Variants in PCDHA2 observed in about 807,000 individuals in gnomAD.
PCDHA2 encodes protocadherin alpha 2.
PCDHA2 carries 58 observed loss-of-function variants against 66.0 expected under a neutral mutation model. The ratio of observed to expected loss-of-function variants is 0.88; its 90% CI spans 0.71 to 1.09. The LOEUF (loss-of-function observed/expected upper bound fraction) is 1.09. Ranked by LOEUF, PCDHA2 falls within the 50% of genes least tolerant of loss-of-function variation. The pLI, the probability that PCDHA2 is intolerant of heterozygous loss-of-function variation, is 0.00. For missense variants in PCDHA2, 1,267 were observed against 1,242.3 expected, an observed-to-expected ratio of 1.02 and a Z score of -0.30; for synonymous variants, 634 against 554.0, an observed-to-expected ratio of 1.14 and a Z score of -2.03.
chr5:140,846,269 G>T (rs1676658281), intron 1 of PCDHA2, among the ~76,000 whole-genome samples: 1 of 148,838 alleles, frequency 6.7e-6, no homozygotes, highest in Admixed American at 6.7e-5. Context: ...ATGATTTAAA[G>T]TCAATTTATG....
chr5:140,918,311 G>A (rs1286596595), intron 1 of PCDHA2, among the ~76,000 whole-genome samples: 2 of 152,070 alleles, frequency 1.3e-5, no homozygotes, highest in African/African-American at 4.8e-5. Context: ...GGGTTTTCTA[G>A]GTATAAAATT....
intron 1 of PCDHA2, chr5:140,929,609 A>G: frequency 2.4e-6 from 1 of 410,256 alleles, no homozygotes; most frequent in Non-Finnish European, 4.4e-6. Flanking sequence ...TAAAAATAAA[A>G]TACCAAAATA....
chr5:141,005,287 A>AT (rs1405339052), intron 3 of PCDHA2, among the ~76,000 whole-genome samples: 5 of 152,162 alleles, frequency 3.3e-5, no homozygotes, highest in Admixed American at 1.3e-4. Context: ...AAACAGATAC[A>AT]TTTTTTGCCT....
chr5:140,855,468 T>C (rs1160317208), intron 1 of PCDHA2, among the ~76,000 whole-genome samples: 1 of 149,888 alleles, frequency 6.7e-6, no homozygotes, highest in Non-Finnish European at 1.5e-5. Context: ...TCACAGATAG[T>C]TGATGCTTGA....
Position 140,834,561 on chromosome 5 carries a change from G to A in PCDHA2, c.2388+37209G>A, listed in dbSNP as rs2150221029. ...CCTGGGGCTGGAGCTGGCGGAGCTG[G>A]TGCCGCGCCTGTTCCGGGCGGTGTG... On this transcript the variant is annotated intron_variant, in intron 1 of 3. Coordinates refer to ENST00000526136, the MANE Select transcript of PCDHA2 (RefSeq NM_018905.3). 3.5e-5 allele frequency: 56 copies of A among 1,614,112 alleles called. No homozygotes were observed. Among genetic ancestry groups the A allele is most frequent in the Admixed American group, 1.5e-4 (9 of 60,010 alleles).
intron 1 of PCDHA2, chr5:140,843,709 C>A: frequency 6.3e-7 from 1 of 1,574,864 alleles, no homozygotes; most frequent in Non-Finnish European, 8.7e-7. Flanking sequence ...TTGATCATGG[C>A]CTCAAAGTAA....
intron 1 of PCDHA2, chr5:140,822,814 C>T: frequency 8.1e-6 from 13 of 1,614,100 alleles, no homozygotes; most frequent in South Asian, 2.2e-5. Context: ...TGATAATACC[C>T]CAGAGATGGC....
chr5:140,989,350 T>G (rs188962457), intron 3 of PCDHA2, among the ~76,000 whole-genome samples: 17 of 152,274 alleles, frequency 1.1e-4, no homozygotes, highest in African/African-American at 3.9e-4. Context: ...TCAAAGGTGA[T>G]AGGTCACCTG....
At position 140,856,860 on chromosome 5, in the gene PCDHA2, G is replaced by A; in HGVS notation, c.2388+59508G>A. 1.3e-6 allele frequency: 2 copies of A among 1,594,690 alleles called. 1 individual carries two copies. On this transcript the variant is annotated intron_variant, in intron 1 of 3. Transcript: ENST00000526136. ...CTCAACGCTTCTGATTCGGATGAAGGAATAAACAAGGAAATGATGTATTCA... is the reference window on the plus strand; with the variant it reads ...CTCAACGCTTCTGATTCGGATGAAGAAATAAACAAGGAAATGATGTATTCA...
intron 1 of PCDHA2, among the ~76,000 whole-genome samples, chr5:140,951,227 G>A (rs181202222): frequency 1.3e-5 from 2 of 152,044 alleles, no homozygotes; most frequent in African/African-American, 2.4e-5. Flanking sequence ...ATTCTTGATG[G>A]TCTTTACCTT....
chr5:140,939,340 A>G (rs1337369012), intron 1 of PCDHA2, among the ~76,000 whole-genome samples: 1 of 152,178 alleles, frequency 6.6e-6, no homozygotes, highest in Non-Finnish European at 1.5e-5. Flanking sequence ...AGGGGTTAGC[A>G]TTTCAACTTA....
At chr5:140,898,782 G>A (rs1170822216) in intron 1 of PCDHA2, among the ~76,000 whole-genome samples, 5 of 152,306 alleles carry the variant, frequency 3.3e-5, no homozygotes, top group Middle Eastern at 3.4e-3. Context: ...ACCTTGGGCA[G>A]TATGGCCATT....
In PCDHA2 at chr5:140,834,624, A is replaced by C. The variant is rs2150222938; in HGVS notation, c.2388+37272A>C. On this transcript the variant is annotated intron_variant, in intron 1 of 3. Coordinates refer to ENST00000526136, the MANE Select transcript of PCDHA2 (RefSeq NM_018905.3). ...GGATCTTCTGGAGGTAAATCTGCAG[A>C]ATGGCATTTTGTTTGTGAATTCTCG... 3.7e-6 allele frequency: 6 copies of C among 1,614,104 alleles called. No individual in the cohort carries two copies. The South Asian group carries it at 6.6e-5, about 18-fold the overall frequency.
chr5:140,842,502 C>T, intron 1 of PCDHA2: 1 of 1,613,826 alleles, frequency 6.2e-7, no homozygotes, highest in South Asian at 1.1e-5. Context: ...CCCCATGTCC[C>T]CTTCAAGCTG....
chr5:140,935,257 C>A (rs1200153130), intron 1 of PCDHA2, among the ~76,000 whole-genome samples: 10 of 152,150 alleles, frequency 6.6e-5, no homozygotes, highest in South Asian at 4.1e-4. Context: ...AAATACATCA[C>A]ATGTTTATAC....
Position 140,833,672 on chromosome 5 carries a change from TC to T in PCDHA2, c.2388+36324del, listed in dbSNP as rs2150210323. 1.4e-3 allele frequency among the ~76,000 whole-genome samples: 206 copies of T among 152,280 alleles called. 1 individual carries two copies. Among genetic ancestry groups the T allele is most frequent in the African/African-American group, 4.4e-3 (183 of 41,568 alleles). On this transcript the variant is annotated intron_variant, in intron 1 of 3. Transcript: ENST00000526136. The stretch of plus-strand genomic sequence containing the variant: ...ATACAAATTCTTCCCCTTCAAAGAT[TC>T]CCCAAACCTTCTCTTATTTTGTTTT...
intron 1 of PCDHA2, chr5:140,866,995 A>G (rs1294829153): frequency 1.3e-5 from 2 of 152,138 alleles, no homozygotes; most frequent in Non-Finnish European, 2.9e-5. Flanking sequence ...AATGCAAAAG[A>G]TGGGTCATTG....
At chr5:140,918,982 G>C (rs1554198889) in intron 1 of PCDHA2, among the ~76,000 whole-genome samples, 1 of 152,188 alleles carries the variant, frequency 6.6e-6, no homozygotes, top group Non-Finnish European at 1.5e-5. Flanking sequence ...AGGTTAGTTG[G>C]TTTTTAGTGT....
intron 1 of PCDHA2, among the ~76,000 whole-genome samples, chr5:140,920,648 A>G (rs1465559942): frequency 1.3e-5 from 2 of 152,148 alleles, no homozygotes; most frequent in Non-Finnish European, 2.9e-5. Flanking sequence ...GATTGAGACC[A>G]TCCTTGCCAA....
Sources: allele counts gnomAD v4.1 joint callset (sites outside exome capture counted in the v4.1 genomes callset), GRCh38; gene constraint gnomAD v4.1.1; transcripts MANE v1.5; gene names NCBI Gene and HGNC (gene_info 2026-07-23, HGNC 2026-07-21).